Variants in NOL10 observed in about 807,000 individuals in gnomAD.
The protein encoded by NOL10 is H_NH0074G24.1.
NOL10 carries 58 observed loss-of-function variants against 103.5 expected under a neutral mutation model. The ratio of observed to expected loss-of-function variants is 0.56; its 90% confidence interval spans 0.45 to 0.70. The LOEUF (loss-of-function observed/expected upper bound fraction) is 0.70. Among genes scored for constraint, NOL10 ranks in the 30% least tolerant of loss-of-function variants. The probability of loss-of-function intolerance (pLI) is 0.00; values close to 1 mark genes in which losing one functional copy is unlikely to be tolerated. For synonymous variants in NOL10, 287 were observed against 282.5 expected (o/e 1.02, Z -0.16); for missense variants, 763 against 807.3 (o/e 0.95, Z 0.67).
chr2:10,596,228 C>T (rs948582009), intron 17 of NOL10, among the ~76,000 whole-genome samples: 83 of 110,106 alleles, frequency 7.5e-4, no homozygotes, highest in Middle Eastern at 6.7e-3. Flanking sequence ...GGACTAGTTT[C>T]GGAAGACAAG....
chr2:10,636,443 A>C (rs1678230199), intron 13 of NOL10, among the ~76,000 whole-genome samples: 2 of 147,942 alleles, frequency 1.4e-5, no homozygotes, highest in African/African-American at 2.5e-5. Flanking sequence ...AAAAAAAAAA[A>C]AAACACCAAA....
intron 13 of NOL10, among the ~76,000 whole-genome samples, chr2:10,631,417 T>C (rs1217715641): frequency 2.0e-5 from 3 of 152,226 alleles, no homozygotes; most frequent in African/African-American, 7.2e-5. Context: ...CAAAGCCAAC[T>C]TCTGCACAAA....
chr2:10,581,077 G>A (rs927575921), intron 19 of NOL10, among the ~76,000 whole-genome samples: 6 of 152,078 alleles, frequency 3.9e-5, no homozygotes, highest in Non-Finnish European at 7.4e-5. Flanking sequence ...AATGCTTTCC[G>A]TTTCCATGTG....
rs541956184 is a variant in NOL10, at chr2:10,573,830, C to G, written c.1948-1640G>C. 5.5e-4 allele frequency among the ~76,000 whole-genome samples: 84 copies of G among 152,244 alleles called. 1 individual carries two copies. Among genetic ancestry groups the G allele is most frequent in the African/African-American group, 1.9e-3 (80 of 41,550 alleles). ...CGTCCCAAACTCCTCCACTGTGCTC[C>G]GTCTCAAAGGGTCCCACCCAAGCCC... On this transcript the variant is annotated intron_variant, in intron 20 of 20. Coordinates refer to ENST00000381685, the MANE Select transcript of NOL10 (RefSeq NM_024894.4).
intron 17 of NOL10, among the ~76,000 whole-genome samples, chr2:10,598,873 C>T (rs1675835124): frequency 6.6e-6 from 1 of 152,080 alleles, no homozygotes; most frequent in African/African-American, 2.4e-5. Context: ...TGAAAAGATC[C>T]TAGTTTTCCA....
At position 10,644,312 on chromosome 2, in the gene NOL10, T is replaced by C; in HGVS notation, c.1026+8A>G. 1 of 1,510,326 alleles carries C rather than the reference T, an allele frequency of 6.6e-7. No individual in the cohort carries two copies. The highest frequency in any genetic ancestry group is 1.3e-5 in the South Asian group (1 of 77,170). 93.6% of individuals were successfully genotyped at this position (1,510,326 alleles called of 1,614,324 possible). On this transcript the variant is annotated splice_region_variant and intron_variant, in intron 13 of 20. Transcript: ENST00000381685. ...ATTTTTACTGAAACTCCTCTTTGTA[T>C]TACTTACTGGAATGTAATAGATGCC...
At chr2:10,572,619 A>G (rs1259107827) in intron 20 of NOL10, among the ~76,000 whole-genome samples, 1 of 152,232 alleles carries the variant, frequency 6.6e-6, no homozygotes, top group Non-Finnish European at 1.5e-5. Flanking sequence ...AACTAGAGCC[A>G]TTAGTTTATT....
At chr2:10,652,892 T>A (rs890919665) in intron 12 of NOL10, among the ~76,000 whole-genome samples, 1 of 152,112 alleles carries the variant, frequency 6.6e-6, no homozygotes, top group Non-Finnish European at 1.5e-5. Context: ...CACCGGGAAG[T>A]GTGTTAAAAA....
chr2:10,677,871 G>GTGTGTATA (rs201387297), intron 3 of NOL10, among the ~76,000 whole-genome samples: 7 of 145,898 alleles, frequency 4.8e-5, no homozygotes, highest in African/African-American at 1.5e-4. Context: ...GTGTGTGTGT[G>GTGTGTATA]TATACACATA....
At chr2:10,638,315 G>GACGTGACGTAACGTA (rs1678424059) in intron 13 of NOL10, among the ~76,000 whole-genome samples, 1 of 143,622 alleles carries the variant, frequency 7.0e-6, no homozygotes, top group African/African-American at 2.7e-5. Context: ...GACGTGACGT[G>GACGTGACGTAACGTA]ACGTGACGTG....
At chr2:10,648,269 G>GA (rs1679223469) in intron 12 of NOL10, among the ~76,000 whole-genome samples, 1 of 152,140 alleles carries the variant, frequency 6.6e-6, no homozygotes, top group Non-Finnish European at 1.5e-5. Context: ...AAAGAAAAAA[G>GA]AAAGACAGTT....
intron 13 of NOL10, chr2:10,634,575 G>T: frequency 2.2e-6 from 1 of 456,654 alleles, no homozygotes; most frequent in Non-Finnish European, 4.4e-6. Context: ...AGGGAAAATT[G>T]GACGTCATTA....
intron 6 of NOL10, among the ~76,000 whole-genome samples, chr2:10,671,126 T>G (rs972872692): frequency 1.4e-4 from 22 of 152,164 alleles, no homozygotes; most frequent in Non-Finnish European, 2.6e-4. Flanking sequence ...TAGAAACTGA[T>G]TACTGACATG....
chr2:10,672,787 G>GT (rs1247961065), intron 5 of NOL10, among the ~76,000 whole-genome samples: 1 of 152,162 alleles, frequency 6.6e-6, no homozygotes, highest in African/African-American at 2.4e-5. Context: ...GAGGTCAAGA[G>GT]TTTGAGACCA....
chr2:10,601,895 T>C (rs747025650), intron 16 of NOL10, among the ~76,000 whole-genome samples: 6 of 152,242 alleles, frequency 3.9e-5, no homozygotes, highest in Non-Finnish European at 8.8e-5. Flanking sequence ...TAGTCTTTTA[T>C]AGTGACAGAG....
chr2:10,658,718 A>G (rs1424983884), intron 10 of NOL10, among the ~76,000 whole-genome samples: 1 of 152,208 alleles, frequency 6.6e-6, no homozygotes, highest in Non-Finnish European at 1.5e-5. Flanking sequence ...GCAGACTCCC[A>G]AGACTGTCTG....
chr2:10,651,395 T>A lies in NOL10; in HGVS notation c.973+3086A>T, dbSNP rs544833124. ...AGCATGTGAACCACATATGTGATTT[T>A]AAAATTTTTAGTAGCCACATTTTTA... On this transcript the variant is annotated intron_variant, in intron 12 of 20. Transcript: ENST00000381685. Among the ~76,000 whole-genome samples, 117 of 152,346 alleles carry A rather than the reference T, an allele frequency of 7.7e-4. 1 individual carries two copies. Among genetic ancestry groups the A allele is most frequent in the African/African-American group, 2.7e-3 (112 of 41,588 alleles).
chr2:10,576,191 T>G (rs1674441701), intron 20 of NOL10, among the ~76,000 whole-genome samples: 1 of 152,158 alleles, frequency 6.6e-6, no homozygotes, highest in Non-Finnish European at 1.5e-5. Flanking sequence ...CCCACTAGCA[T>G]GGCTATAATA....
chr2:10,634,334 G>A (rs1407994987), intron 13 of NOL10, among the ~76,000 whole-genome samples: 1 of 152,166 alleles, frequency 6.6e-6, no homozygotes, highest in African/African-American at 2.4e-5. Context: ...GGCATGAAGT[G>A]GAGAGGAGAG....
Sources: gnomAD v4.1 joint callset for allele counts (sites outside exome capture counted in the v4.1 genomes callset) on GRCh38, gnomAD v4.1.1 for gene constraint, MANE v1.5 for transcripts, NCBI Gene and HGNC (gene_info 2026-07-23, HGNC 2026-07-21) for gene names.